Variants in MTMR3 observed in about 807,000 individuals in gnomAD.
The protein encoded by MTMR3 is myotubularin related protein 3.
Under a neutral mutation model 132.4 loss-of-function variants are expected in MTMR3, and 32 were observed. That is an observed-to-expected ratio of 0.24 (90% CI 0.18 to 0.32). The LOEUF (loss-of-function observed/expected upper bound fraction) is 0.32. MTMR3 is among the 10% of genes least tolerant of loss of function. MTMR3 has a pLI of 1.00. For synonymous variants in MTMR3, 556 were observed against 550.3 expected, an observed-to-expected ratio of 1.01 and a Z score of -0.14; for missense variants, 1,216 against 1,489.6, an observed-to-expected ratio of 0.82 and a Z score of 3.02.
intron 17 of MTMR3, chr22:30,021,761 T>G: frequency 2.3e-6 from 1 of 428,124 alleles, no homozygotes; most frequent in Non-Finnish European, 4.2e-6. Context: ...TTTGGTCACT[T>G]CCCTCTCACT....
chr22:30,011,555 G>C (rs1302452980), intron 12 of MTMR3: 1 of 152,186 alleles, frequency 6.6e-6, no homozygotes, highest in Non-Finnish European at 1.5e-5. Context: ...TAGAGATGGG[G>C]TTTCACCATG....
chr22:29,914,774 T>A (rs543326543), intron 1 of MTMR3, among the ~76,000 whole-genome samples: 1 of 152,318 alleles, frequency 6.6e-6, no homozygotes, highest in South Asian at 2.1e-4. Context: ...GAGAAGTAAG[T>A]GTAGGGTTGC....
chr22:29,911,548 AT>A (rs1234489363), intron 1 of MTMR3, among the ~76,000 whole-genome samples: 12 of 149,010 alleles, frequency 8.1e-5, no homozygotes, highest in Admixed American at 2.7e-4. Flanking sequence ...GTCTCAAAAA[AT>A]TTTTTTTTAA....
intron 1 of MTMR3, among the ~76,000 whole-genome samples, chr22:29,941,130 C>T (rs554647235): frequency 7.1e-6 from 1 of 140,576 alleles, no homozygotes; most frequent in South Asian, 2.1e-4. Flanking sequence ...AAATTAGTTT[C>T]GTCCTTGAAC....
chr22:29,896,870 C>CAT, intron 1 of MTMR3, among the ~76,000 whole-genome samples: 1 of 7,128 alleles, frequency 1.4e-4, no homozygotes, highest in Non-Finnish European at 7.4e-4. Context: ...AGGCTTGTCT[C>CAT]ACACACACAC....
rs185322724 is a variant in MTMR3, at chr22:29,907,494, C to T, written c.-138+24135C>T. On this transcript the variant is annotated intron_variant, in intron 1 of 19. Transcript: ENST00000401950. Reference sequence around the variant, plus strand: ...AAGAGTAGATGTTTTCCCCCTTCACCGATAGTTGATGGACCGTCAGAGAAT... The same window carrying T: ...AAGAGTAGATGTTTTCCCCCTTCACTGATAGTTGATGGACCGTCAGAGAAT... Among the ~76,000 whole-genome samples, 5 of 151,984 alleles carry T rather than the reference C, an allele frequency of 3.3e-5. No individual in the cohort carries two copies. In the East Asian group the frequency reaches 7.7e-4, roughly 23 times the overall value.
At chr22:29,984,232 A>G (rs2066812658) in intron 5 of MTMR3, 1 of 152,168 alleles carries the variant, frequency 6.6e-6, no homozygotes, top group Non-Finnish European at 1.5e-5. Context: ...CTTCACGTGT[A>G]CAAGATTAGT....
At chr22:29,890,243 G>A (rs111407645) in intron 1 of MTMR3, among the ~76,000 whole-genome samples, 7 of 152,130 alleles carry the variant, frequency 4.6e-5, no homozygotes, top group South Asian at 2.1e-4. Context: ...TTACCTGGGC[G>A]TGGTGGCTCA....
chr22:29,978,883 C>T, intron 4 of MTMR3, 53 bp from the exon 5 acceptor site: 4 of 1,110,680 alleles, frequency 3.6e-6, no homozygotes, highest in Non-Finnish European at 5.1e-6. Flanking sequence ...ATGTTTGAAG[C>T]TTTTTTTTTT....
intron 1 of MTMR3, among the ~76,000 whole-genome samples, chr22:29,885,973 C>T (rs5752976): frequency 6.6e-6 from 1 of 152,116 alleles, no homozygotes; most frequent in Non-Finnish European, 1.5e-5. Context: ...CCTGTCAAAT[C>T]ATAGAGTAGT....
intron 1 of MTMR3, among the ~76,000 whole-genome samples, chr22:29,899,950 C>T (rs1406099744): frequency 6.6e-6 from 1 of 151,310 alleles, no homozygotes; most frequent in African/African-American, 2.4e-5. Context: ...TTTTAAAGAA[C>T]GTAATCTGCT....
At chr22:29,939,387 T>A (rs1048823820) in intron 1 of MTMR3, among the ~76,000 whole-genome samples, 1 of 152,302 alleles carries the variant, frequency 6.6e-6, no homozygotes, top group Non-Finnish European at 1.5e-5. Flanking sequence ...AACATTGAAA[T>A]CTTGTAGAGA....
At chr22:29,920,209 G>A (rs1175773548) in intron 1 of MTMR3, among the ~76,000 whole-genome samples, 2 of 131,312 alleles carry the variant, frequency 1.5e-5, no homozygotes, top group Admixed American at 8.0e-5. Context: ...GCAAGACTCT[G>A]TCTCAAAAAA....
At chr22:29,967,465 C>T (rs1186828818) in intron 2 of MTMR3, among the ~76,000 whole-genome samples, 1 of 151,196 alleles carries the variant, frequency 6.6e-6, no homozygotes, top group Non-Finnish European at 1.5e-5. Flanking sequence ...CTCTGGGGCT[C>T]AAGCTGTCTT....
At chr22:29,980,338 A>T (rs891945165) in intron 5 of MTMR3, 2 of 152,200 alleles carry the variant, frequency 1.3e-5, no homozygotes, top group Admixed American at 1.3e-4. Flanking sequence ...GGCCATGATT[A>T]TAGCAGTTAC....
At chr22:29,973,971 T>G (rs1328878381) in intron 3 of MTMR3, among the ~76,000 whole-genome samples, 2 of 152,192 alleles carry the variant, frequency 1.3e-5, no homozygotes, top group Non-Finnish European at 2.9e-5. Context: ...CTCTCTTAGC[T>G]GCATAATTTA....
At chr22:29,896,054 AT>A (rs1175763170) in intron 1 of MTMR3, among the ~76,000 whole-genome samples, 1 of 152,200 alleles carries the variant, frequency 6.6e-6, no homozygotes, top group Non-Finnish European at 1.5e-5. Flanking sequence ...CCACGCCTGT[AT>A]TCCCAGCACT....
chr22:29,949,128 CACACACACACA>C (rs2066011136), intron 1 of MTMR3, among the ~76,000 whole-genome samples: 1 of 39,892 alleles, frequency 2.5e-5, no homozygotes, highest in Non-Finnish European at 5.2e-5. Flanking sequence ...CACACACACA[CACACACACACA>C]CACACCCCCC....
At chr22:29,978,119 A>G (rs535867693) in intron 3 of MTMR3, 140 of 215,188 alleles carry the variant, frequency 6.5e-4, no homozygotes, top group African/African-American at 2.9e-3. Context: ...CCTGTGCACT[A>G]CACTACCAGT....
Sources: allele counts gnomAD v4.1 joint callset (sites outside exome capture counted in the v4.1 genomes callset), GRCh38; gene constraint gnomAD v4.1.1; transcripts MANE v1.5; gene names NCBI Gene and HGNC (gene_info 2026-07-23, HGNC 2026-07-21).